Variants in HMGB1 observed in about 807,000 individuals in gnomAD.
HMGB1 encodes high mobility group box 1.
For missense variants in HMGB1, 79 were observed against 253.5 expected, an observed-to-expected ratio of 0.31 and a Z score of 4.67; for synonymous variants, 81 against 84.0, an observed-to-expected ratio of 0.96 and a Z score of 0.19.
intron 1 of HMGB1, among the ~76,000 whole-genome samples, chr13:30,524,966 C>T (rs765592404): frequency 2.0e-5 from 3 of 152,102 alleles, no homozygotes; most frequent in Non-Finnish European, 4.4e-5. Context: ...ATTAAACAAA[C>T]AAATACATTC....
intron 1 of HMGB1, among the ~76,000 whole-genome samples, chr13:30,615,371 C>T (rs1196154097): frequency 2.0e-5 from 3 of 152,098 alleles, no homozygotes; most frequent in African/African-American, 7.2e-5. Flanking sequence ...GAATTTCATA[C>T]AATTTTTAAG....
intron 1 of HMGB1, among the ~76,000 whole-genome samples, chr13:30,600,080 TGGTA>T (rs1428358885): frequency 6.6e-6 from 1 of 152,244 alleles, no homozygotes; most frequent in African/African-American, 2.4e-5. Flanking sequence ...TCATCTATGG[TGGTA>T]GATAGACCAC....
chr13:30,595,208 C>A (rs931750768), intron 1 of HMGB1, among the ~76,000 whole-genome samples: 1 of 151,964 alleles, frequency 6.6e-6, no homozygotes, highest in African/African-American at 2.4e-5. Flanking sequence ...ATTTTTATTT[C>A]TTTTACATAT....
At chr13:30,563,528 G>C (rs1870054349) in intron 1 of HMGB1, among the ~76,000 whole-genome samples, 1 of 152,152 alleles carries the variant, frequency 6.6e-6, no homozygotes, top group African/African-American at 2.4e-5. Context: ...AGGATCACTT[G>C]AGCCCAAGCA....
chr13:30,557,364 A>G (rs914213997), intron 1 of HMGB1, among the ~76,000 whole-genome samples: 1 of 152,236 alleles, frequency 6.6e-6, no homozygotes, highest in Admixed American at 6.5e-5. Flanking sequence ...CGCGAGTTCC[A>G]GAGCTAAAAA....
chr13:30,592,339 G>A (rs1422103419), intron 1 of HMGB1, among the ~76,000 whole-genome samples: 1 of 151,558 alleles, frequency 6.6e-6, no homozygotes, highest in East Asian at 1.9e-4. Flanking sequence ...ATTTAGAATG[G>A]GTAATTATTA....
intron 1 of HMGB1, among the ~76,000 whole-genome samples, chr13:30,583,860 A>T (rs1871026001): frequency 6.6e-6 from 1 of 150,620 alleles, no homozygotes; most frequent in African/African-American, 2.4e-5. Flanking sequence ...AGAAAGAAAG[A>T]AAGAAAGAAG....
intron 1 of HMGB1, among the ~76,000 whole-genome samples, chr13:30,587,734 C>A (rs1871213144): frequency 6.6e-6 from 1 of 152,130 alleles, no homozygotes; most frequent in African/African-American, 2.4e-5. Context: ...TCTCATAGGG[C>A]TATTATAATT....
intron 1 of HMGB1, among the ~76,000 whole-genome samples, chr13:30,615,195 T>C (rs1209555331): frequency 1.3e-5 from 2 of 152,226 alleles, no homozygotes; most frequent in East Asian, 3.8e-4. Context: ...ATGATACACG[T>C]ATTTTTTTCT....
chr13:30,470,903 C>G (rs1210482497), upstream of HMGB1, among the ~76,000 whole-genome samples: 1 of 152,086 alleles, frequency 6.6e-6, no homozygotes, highest in African/African-American at 2.4e-5. Flanking sequence ...CCCGCCTCAG[C>G]CTTCCAAAGT....
At chr13:30,466,166 G>A (rs1205095145), upstream of HMGB1, among the ~76,000 whole-genome samples, 3 of 152,212 alleles carry the variant, frequency 2.0e-5, no homozygotes, top group East Asian at 3.9e-4. Context: ...GGAAAGCAGA[G>A]CTCTATGGTG....
chr13:30,468,393 T>C (rs1886847870), upstream of HMGB1, among the ~76,000 whole-genome samples: 1 of 152,186 alleles, frequency 6.6e-6, no homozygotes, highest in Non-Finnish European at 1.5e-5. Context: ...TAGCTGGGAA[T>C]ACAGGCATGC....
intron 1 of HMGB1, among the ~76,000 whole-genome samples, chr13:30,575,499 C>T (rs1345183778): frequency 6.6e-6 from 1 of 152,136 alleles, no homozygotes; most frequent in African/African-American, 2.4e-5. Flanking sequence ...ATACTCAATA[C>T]ATACTCCATT....
chr13:30,575,027 A>G (rs1870586273), intron 1 of HMGB1, among the ~76,000 whole-genome samples: 1 of 152,242 alleles, frequency 6.6e-6, no homozygotes, highest in African/African-American at 2.4e-5. Flanking sequence ...CTTAATTGAT[A>G]TATTAAAATC....
At chr13:30,465,983 GC>G, upstream of HMGB1, 2 of 985,330 alleles carry the variant, frequency 2.0e-6, no homozygotes, top group Non-Finnish European at 2.4e-6. Flanking sequence ...AACTCACGGG[GC>G]TCGCTCATTG....
chr13:30,545,993 C>T (rs1442548849), intron 1 of HMGB1, among the ~76,000 whole-genome samples: 2 of 152,152 alleles, frequency 1.3e-5, no homozygotes, highest in Admixed American at 6.5e-5. Context: ...TGAGCCACCA[C>T]GTGCAGCCAC....
intron 1 of HMGB1, among the ~76,000 whole-genome samples, chr13:30,568,267 G>T (rs1362867492): frequency 6.6e-6 from 1 of 152,194 alleles, no homozygotes; most frequent in Non-Finnish European, 1.5e-5. Context: ...AGAACTTTGA[G>T]AAGCCAAGGT....
At chr13:30,612,292 G>T (rs1256278336) in intron 1 of HMGB1, among the ~76,000 whole-genome samples, 1 of 151,604 alleles carries the variant, frequency 6.6e-6, no homozygotes, top group African/African-American at 2.4e-5. Flanking sequence ...AAGAATTAGA[G>T]TAGGGGTAGA....
intron 1 of HMGB1, among the ~76,000 whole-genome samples, chr13:30,557,317 A>C (rs1183600694): frequency 6.6e-6 from 1 of 152,186 alleles, no homozygotes; most frequent in East Asian, 1.9e-4. Context: ...CAGTTCTAGG[A>C]GTTAACCCTA....
Sources: allele counts gnomAD v4.1 joint callset (sites outside exome capture counted in the v4.1 genomes callset), GRCh38; gene constraint gnomAD v4.1.1; transcripts MANE v1.5; gene names NCBI Gene and HGNC (gene_info 2026-07-23, HGNC 2026-07-21).